PGLYRP4: variants seen among roughly 807,000 people sequenced by gnomAD.
PGLYRP4 encodes the protein peptidoglycan recognition protein 4, also known as PGRP-I-beta.
PGLYRP4 carries 39 observed loss-of-function variants against 41.2 expected under a neutral mutation model. That is an observed-to-expected ratio of 0.95 (90% CI 0.73 to 1.24). The LOEUF is 1.24. Ranked by LOEUF, PGLYRP4 falls within the 50% of genes most tolerant of loss-of-function variation. PGLYRP4 has a pLI of 0.00. For synonymous variants in PGLYRP4, 202 were observed against 186.8 expected, an observed-to-expected ratio of 1.08 and a Z score of -0.66; for missense variants, 467 against 460.7, an observed-to-expected ratio of 1.01 and a Z score of -0.13.
chr1:153,341,525 G>T, intron 6 of PGLYRP4, 102 bp downstream of exon 6: 1 of 1,102,250 alleles, frequency 9.1e-7, no homozygotes, highest in Non-Finnish European at 1.3e-6. Flanking sequence ...CTTCCAGAAG[G>T]AATCTAATGG....
At chr1:153,345,667 C>T (rs1230686977) in intron 3 of PGLYRP4, among the ~76,000 whole-genome samples, 2 of 152,242 alleles carry the variant, frequency 1.3e-5, no homozygotes, top group Admixed American at 1.3e-4. Flanking sequence ...GAAGCATCAC[C>T]TGCTTATCCC....
At chr1:153,343,757 A>C (rs558994573) in intron 4 of PGLYRP4, among the ~76,000 whole-genome samples, 2 of 152,288 alleles carry the variant, frequency 1.3e-5, no homozygotes, top group East Asian at 3.9e-4. Context: ...TTTAAATTCC[A>C]GCTCCCTTTC....
chr1:153,337,121 T>C (rs1158844056), intron 8 of PGLYRP4, 60 bp downstream of exon 8: 2 of 1,183,680 alleles, frequency 1.7e-6, no homozygotes, highest in African/African-American at 1.5e-5. Flanking sequence ...TTGTCTTCCA[T>C]GTCAGATGCT....
intron 8 of PGLYRP4, among the ~76,000 whole-genome samples, chr1:153,335,702 C>T (rs370137383): frequency 2.0e-5 from 3 of 148,236 alleles, no homozygotes; most frequent in Admixed American, 6.7e-5. Flanking sequence ...TCCAGCCTGG[C>T]GACAGAGCAA....
rs1660749426 is a variant in PGLYRP4 at position 153,340,492 on chromosome 1, A to G, written c.713T>C (p.Ile238Thr). 2 of 1,614,050 alleles carry G rather than the reference A, an allele frequency of 1.2e-6. No homozygotes were observed. The highest frequency in any genetic ancestry group is 2.7e-5 in the African/African-American group (2 of 74,918). The change falls in exon 7 of 9, where the codon ATT becomes ACT. Residue 238 changes from isoleucine (I) to threonine (T), a missense_variant. By Grantham distance (89) the Ile-to-Thr change is moderately conservative. Transcript: ENST00000359650. The part of the protein sequence containing the change: ...RMTLPAKYGI[I>T]IHTAGRTCNI... ...GCAGGTCCTCCCGGCAGTGTGGATA[A>G]TGATGCCATACTTCGCTGGGAGAGT...
At position 153,330,248 on chromosome 1, in the gene PGLYRP4, A is replaced by G. The variant is rs538763482; in HGVS notation, c.*519T>C. 1.3e-3 allele frequency: 191 copies of G among 152,764 alleles called. No individual in the cohort carries two copies. The highest frequency in any genetic ancestry group is 4.1e-3 in the South Asian group (20 of 4,858). The allele number at this position is 152,764 out of a possible 1,614,324, so 9.5% of individuals were successfully genotyped here. A position where few individuals can be genotyped will look rare whatever the true frequency, so the allele number is the denominator to read the frequency against. On this transcript the variant is annotated 3_prime_UTR_variant, in exon 9 of 9. Transcript: ENST00000359650. ...AAAACACAGTTCCTCCCCTGGAGAA[A>G]CTCACAACCAAGTAGCAAGGATAGA...
intron 7 of PGLYRP4, among the ~76,000 whole-genome samples, chr1:153,340,058 T>C (rs1203471506): frequency 6.6e-6 from 1 of 152,214 alleles, no homozygotes; most frequent in Non-Finnish European, 1.5e-5. Context: ...AATCTTTCGA[T>C]TATCTTTTCT....
Position 153,343,125 on chromosome 1 carries a change from A to ATGT in PGLYRP4, c.434_436dup (p.Asn145dup). ...GCCAAAGAAGGCAAAGCCCAGGGAG[A>ATGT]TGTTGTTGTAGCCTTGGGTGTGCAC... On this transcript the variant is annotated inframe_insertion, in exon 5 of 9. Coordinates refer to ENST00000359650, the MANE Select transcript of PGLYRP4 (RefSeq NM_020393.4). 6.2e-7 allele frequency: 1 copy of ATGT among 1,613,284 alleles called. No homozygotes were observed. The highest frequency in any genetic ancestry group is 8.5e-7 in the Non-Finnish European group (1 of 1,179,236).
At chr1:153,333,981 T>C (rs898667960) in intron 8 of PGLYRP4, among the ~76,000 whole-genome samples, 1 of 151,592 alleles carries the variant, frequency 6.6e-6, no homozygotes, top group Admixed American at 6.6e-5. Context: ...TTGAAAACAT[T>C]CCCCCTAAGA....
Position 153,340,440 on chromosome 1 carries a change from C to T in PGLYRP4, c.765G>A (p.Leu255=). ...TCNISDECRL[L]VRDIQSFYID... is the part of the protein sequence containing the mutation. The stretch of plus-strand genomic sequence containing the variant: ...TGTAGAAAGACTGGATGTCCCGGAC[C>T]AGCAGGCGGCACTCATCAGAAATGT... The change falls in exon 7 of 9, where the codon CTG becomes CTA. Residue 255 remains leucine (L), a synonymous_variant. Transcript: ENST00000359650. The T allele has an allele frequency of 1.2e-6, 2 of 1,614,180 alleles. No individual in the cohort carries two copies. The highest frequency in any genetic ancestry group is 1.3e-5 in the African/African-American group (1 of 75,030).
chr1:153,342,662 T>A (rs993553022), intron 5 of PGLYRP4, among the ~76,000 whole-genome samples: 1 of 151,412 alleles, frequency 6.6e-6, no homozygotes, highest in African/African-American at 2.4e-5. Context: ...TAGAAATATA[T>A]AGAAAATCTA....
intron 4 of PGLYRP4, 39 bp downstream of exon 4, chr1:153,345,130 C>T (rs758823840): frequency 6.6e-7 from 1 of 1,515,970 alleles, no homozygotes; most frequent in African/African-American, 1.4e-5. Context: ...AGGGAAGCAA[C>T]ACTGACCATG....
intron 5 of PGLYRP4, 22 bp from the exon 6 acceptor site, chr1:153,341,801 G>A (rs1204499180): frequency 6.2e-7 from 1 of 1,601,508 alleles, no homozygotes; most frequent in Admixed American, 1.7e-5. Context: ...AAATCTGTGG[G>A]AAACCTCCAC....
At chr1:153,345,459 G>T in intron 3 of PGLYRP4, 77 bp from the exon 4 acceptor site, 1 of 1,335,304 alleles carries the variant, frequency 7.5e-7, no homozygotes, top group Non-Finnish European at 1.1e-6. Context: ...GGCATGGGCT[G>T]TGTCGGCCCC....
At chr1:153,344,641 C>T (rs932266510) in intron 4 of PGLYRP4, among the ~76,000 whole-genome samples, 5 of 152,220 alleles carry the variant, frequency 3.3e-5, no homozygotes, top group Non-Finnish European at 5.9e-5. Context: ...GGCACCAGTA[C>T]GACCTACTAG....
At chr1:153,334,476 A>ATATATATATT (rs3060120) in intron 8 of PGLYRP4, among the ~76,000 whole-genome samples, 2 of 64,964 alleles carry the variant, frequency 3.1e-5, no homozygotes, top group African/African-American at 9.9e-5. Context: ...ATTTATATAT[A>ATATATATATT]TTTATATATA....
At chr1:153,334,468 T>TATATATATTTTTATATATATA (rs1275488427) in intron 8 of PGLYRP4, among the ~76,000 whole-genome samples, 3 of 142,524 alleles carry the variant, frequency 2.1e-5, no homozygotes, top group Middle Eastern at 3.7e-3. Context: ...ATATATTTAT[T>TATATATATTTTTATATATATA]TATATATATT....
At position 153,330,797 on chromosome 1, in the gene PGLYRP4, G is replaced by T. The variant is rs1660304146; in HGVS notation, c.1092C>A (p.Ile364=). 6.2e-7 allele frequency: 1 copy of T among 1,614,004 alleles called. No homozygotes were observed. The highest frequency in any genetic ancestry group is 8.5e-7 in the Non-Finnish European group (1 of 1,179,912). ...GTTTGAAATGAGGCCAGGTGCTGAT[G>T]ATGTTGTACAAAGCCTGCCCAGGAG... ...TLSPGQALYN[I]ISTWPHFKH The change falls in exon 9 of 9, where the codon ATC becomes ATA. Residue 364 remains isoleucine (I), a synonymous_variant. Coordinates refer to ENST00000359650, the MANE Select transcript of PGLYRP4 (RefSeq NM_020393.4).
intron 7 of PGLYRP4, among the ~76,000 whole-genome samples, chr1:153,339,430 G>A (rs1236484332): frequency 5.3e-5 from 8 of 152,194 alleles, no homozygotes; most frequent in Non-Finnish European, 7.3e-5. Context: ...GCCCAGAATC[G>A]TGTACCAAGC....
Sources: gnomAD v4.1 joint callset for allele counts (sites outside exome capture counted in the v4.1 genomes callset) on GRCh38, gnomAD v4.1.1 for gene constraint, MANE v1.5 for transcripts, NCBI Gene and HGNC (gene_info 2026-07-23, HGNC 2026-07-21) for gene names.